CCDC171: variants seen among roughly 807,000 people sequenced by gnomAD.
CCDC171 encodes the protein coiled-coil domain-containing protein 171.
CCDC171 carries 177 observed loss-of-function variants against 168.2 expected under a neutral mutation model. The ratio of observed to expected loss-of-function variants is 1.05; its 90% CI spans 0.93 to 1.19. The LOEUF (loss-of-function observed/expected upper bound fraction) is 1.19, where lower values mean the gene tolerates loss of function less well. Among genes scored for constraint, CCDC171 ranks in the 50% most tolerant of loss-of-function variants. The probability of loss-of-function intolerance (pLI) is 0.00; values close to 1 mark genes in which losing one functional copy is unlikely to be tolerated. For synonymous variants in CCDC171, 687 were observed against 540.8 expected (o/e 1.27, Z -3.75); for missense variants, 1,991 against 1,539.0 (o/e 1.29, Z -4.91).
the CCDC171 span, among the ~76,000 whole-genome samples, chr9:16,099,677 G>A: frequency 2.6e-5 from 4 of 152,182 alleles, no homozygotes; most frequent in Admixed American, 2.0e-4. Flanking sequence ...TGCCATATTC[G>A]TGGGCTTCTG....
intron 25 of CCDC171, among the ~76,000 whole-genome samples, chr9:15,943,332 A>G (rs1483816953): frequency 6.6e-6 from 1 of 152,006 alleles, no homozygotes; most frequent in African/African-American, 2.4e-5. Flanking sequence ...ATGATTTAGA[A>G]CTTATGAGAC....
intron 9 of CCDC171, among the ~76,000 whole-genome samples, chr9:15,678,023 C>CCTCAGCCT (rs1409604335): frequency 6.7e-6 from 1 of 148,390 alleles, no homozygotes; most frequent in Non-Finnish European, 1.5e-5. Flanking sequence ...AATCCTCCTG[C>CCTCAGCCT]CTCAGCCTCC....
chr9:15,839,991 T>C (rs2060609816), intron 21 of CCDC171, among the ~76,000 whole-genome samples: 1 of 152,152 alleles, frequency 6.6e-6, no homozygotes, highest in Non-Finnish European at 1.5e-5. Flanking sequence ...CTTAAATAAT[T>C]GAATTTTATT....
At position 15,693,011 on chromosome 9, in the gene CCDC171, C is replaced by T. The variant is rs1419313591; in HGVS notation, c.1216-2224C>T. On this transcript the variant is annotated intron_variant, in intron 10 of 25. Coordinates refer to ENST00000380701, the MANE Select transcript of CCDC171 (RefSeq NM_173550.4). The stretch of plus-strand genomic sequence containing the variant: ...AATTAGTCGGGTGTGGTCGTGGGCA[C>T]CTGTACTCCCAGCTACTTGGGAAGC... Among the ~76,000 whole-genome samples, 14 of 152,048 alleles carry T rather than the reference C, an allele frequency of 9.2e-5. 1 individual carries two copies. The highest frequency in any genetic ancestry group is 5.9e-4 in the Admixed American group (9 of 15,286).
intron 3 of CCDC171, among the ~76,000 whole-genome samples, chr9:15,984,950 T>C (rs1831937671): frequency 6.6e-6 from 1 of 152,184 alleles, no homozygotes; most frequent in Non-Finnish European, 1.5e-5. Flanking sequence ...AAAGTTTTGA[T>C]GTATTTCTAT....
intron 21 of CCDC171, among the ~76,000 whole-genome samples, chr9:15,837,192 A>C (rs2136318071): frequency 6.6e-6 from 1 of 152,266 alleles, no homozygotes. Flanking sequence ...TACAATATGT[A>C]CTCAGTGTCC....
intron 8 of CCDC171, among the ~76,000 whole-genome samples, chr9:16,037,627 A>G (rs535678480): frequency 1.1e-3 from 161 of 152,346 alleles, no homozygotes; most frequent in South Asian, 1.9e-3. Context: ...TTATGACAAT[A>G]TATAAGGTAC....
At chr9:15,970,223 C>T (rs1290003442) in intron 25 of CCDC171, among the ~76,000 whole-genome samples, 3 of 152,016 alleles carry the variant, frequency 2.0e-5, no homozygotes, top group African/African-American at 7.2e-5. Flanking sequence ...AAAAAATCCA[C>T]AAAAATGGTA....
At chr9:16,001,245 C>T (rs1457575322) in intron 3 of CCDC171, among the ~76,000 whole-genome samples, 1 of 152,048 alleles carries the variant, frequency 6.6e-6, no homozygotes, top group East Asian at 1.9e-4. Context: ...TTTTCATGCC[C>T]TTCTGAAAAA....
Position 15,729,722 on chromosome 9 carries a change from G to A in CCDC171, c.1973G>A (p.Ser658Asn), listed in dbSNP as rs755873646. The A allele has an allele frequency of 1.6e-5, 26 of 1,613,386 alleles. No homozygotes were observed. The highest frequency in any genetic ancestry group is 2.2e-5 in the Non-Finnish European group (26 of 1,179,584). ...KVAEQIKAQE[S>N]CWHRQKKELE... ...GCAGAACAGATCAAAGCCCAAGAGA[G>A]CTGCTGGCACAGACAAAAGAAGGAA... Residue 658 changes from serine to asparagine, a missense_variant, in exon 16 of 26, where the codon AGC (serine) becomes AAC (asparagine). Ser to Asn is a conservative substitution (Grantham distance 46). Transcript: ENST00000380701.
chr9:15,907,699 A>G (rs1288294863), intron 24 of CCDC171, among the ~76,000 whole-genome samples: 2 of 152,250 alleles, frequency 1.3e-5, no homozygotes, highest in African/African-American at 4.8e-5. Flanking sequence ...AGCAAAAGAA[A>G]CTACCATCAG....
At chr9:15,834,620 G>A (rs542651209) in intron 21 of CCDC171, among the ~76,000 whole-genome samples, 2 of 152,256 alleles carry the variant, frequency 1.3e-5, no homozygotes, top group East Asian at 1.9e-4. Context: ...GAGTGCTGGC[G>A]AGTATTATTT....
intron 2 of CCDC171, among the ~76,000 whole-genome samples, chr9:15,564,697 C>G (rs752953376): frequency 2.6e-5 from 4 of 152,210 alleles, no homozygotes; most frequent in Non-Finnish European, 5.9e-5. Context: ...TGGGTGGAGT[C>G]TATAATACAA....
At chr9:15,871,482 A>G (rs1170615054) in intron 23 of CCDC171, among the ~76,000 whole-genome samples, 1 of 151,706 alleles carries the variant, frequency 6.6e-6, no homozygotes, top group East Asian at 1.9e-4. Flanking sequence ...CTTTTAGGAA[A>G]AAAATAATTT....
intron 4 of CCDC171, 75 bp downstream of exon 4, chr9:15,579,098 C>T (rs1467379899): frequency 8.8e-7 from 1 of 1,141,296 alleles, no homozygotes; most frequent in Non-Finnish European, 1.3e-6. Flanking sequence ...GTTGTGTGTA[C>T]ATCCCATACA....
chr9:15,669,058 G>A (rs1227422040), intron 9 of CCDC171, among the ~76,000 whole-genome samples: 1 of 152,048 alleles, frequency 6.6e-6, no homozygotes, highest in Non-Finnish European at 1.5e-5. Context: ...ATTGGTTAAG[G>A]TTCTTTAAGC....
At chr9:15,934,223 T>C (rs1325080090) in intron 25 of CCDC171, among the ~76,000 whole-genome samples, 1 of 151,134 alleles carries the variant, frequency 6.6e-6, no homozygotes, top group Non-Finnish European at 1.5e-5. Flanking sequence ...ACCTCATCTC[T>C]ACAAAAACTA....
chr9:15,906,901 C>A (rs1490276785), intron 24 of CCDC171, among the ~76,000 whole-genome samples: 3 of 151,978 alleles, frequency 2.0e-5, no homozygotes, highest in Admixed American at 1.3e-4. Context: ...ACATCCAAAT[C>A]ATGAGTGAAC....
At position 15,989,542 on chromosome 9, in the gene CCDC171, A is replaced by G. The variant is rs898875347; in HGVS notation, n.369-31047A>G. ...GGCCTCTCCCCCTCCAAAGGAACGC[A>G]GCTCCTTGCCAGCAACAGAACAAAA... On this transcript the variant is annotated intron_variant and non_coding_transcript_variant, in intron 3 of 9. Transcript: ENST00000486641. 8.7e-4 allele frequency among the ~76,000 whole-genome samples: 133 copies of G among 152,346 alleles called. 1 individual carries two copies. Among genetic ancestry groups the G allele is most frequent in the African/African-American group, 3.1e-3 (129 of 41,576 alleles).
Sources: gnomAD v4.1 joint callset for allele counts (sites outside exome capture counted in the v4.1 genomes callset) on GRCh38, gnomAD v4.1.1 for gene constraint, MANE v1.5 for transcripts, NCBI Gene and HGNC (gene_info 2026-07-23, HGNC 2026-07-21) for gene names.